The following PCDH9 variants were observed in gnomAD, a reference collection of about 807,000 sequenced individuals.
The protein encoded by PCDH9 is protocadherin-9.
Under a neutral mutation model 70.6 loss-of-function variants are expected in PCDH9, and 24 were observed. The observed-to-expected ratio is 0.34, with a 90% confidence interval of 0.25 to 0.48. PCDH9 has a LOEUF of 0.48. Among genes scored for constraint, PCDH9 ranks in the 20% least tolerant of loss-of-function variants. PCDH9 has a pLI of 0.99. For missense variants in PCDH9, 1,281 were observed against 1,503.6 expected, an observed-to-expected ratio of 0.85 and a Z score of 2.45; for synonymous variants, 562 against 558.5, an observed-to-expected ratio of 1.01 and a Z score of -0.09.
intron 2 of PCDH9, among the ~76,000 whole-genome samples, chr13:66,934,526 A>G (rs2082873020): frequency 6.7e-6 from 1 of 148,352 alleles, no homozygotes; most frequent in South Asian, 2.1e-4. Context: ...GGGTGACAAT[A>G]GTGAAACTCA....
chr13:66,980,730 G>A (rs9592495), intron 2 of PCDH9, among the ~76,000 whole-genome samples: 1 of 70,872 alleles, frequency 1.4e-5, no homozygotes, highest in Admixed American at 1.9e-4. Context: ...TTTTTTCTTT[G>A]TTTTTTTTTT....
intron 4 of PCDH9, among the ~76,000 whole-genome samples, chr13:66,321,411 G>A (rs1955750760): frequency 6.6e-6 from 1 of 151,998 alleles, no homozygotes; most frequent in Non-Finnish European, 1.5e-5. Flanking sequence ...TTTTAAAGAT[G>A]GAATCCAGGT....
intron 2 of PCDH9, among the ~76,000 whole-genome samples, chr13:66,904,054 G>A (rs867734512): frequency 3.8e-4 from 57 of 151,906 alleles, no homozygotes; most frequent in African/African-American, 1.3e-3. Context: ...CTGTGCTGTT[G>A]CCCAGCCTTT....
intron 2 of PCDH9, among the ~76,000 whole-genome samples, chr13:67,177,424 TCTCCCAAGAGG>T (rs1301998024): frequency 1.3e-5 from 2 of 152,106 alleles, no homozygotes; most frequent in African/African-American, 4.8e-5. Context: ...TTGAAATTTA[TCTCCCAAGAGG>T]CTCTTTACCA....
chr13:66,375,605 G>A (rs1479753533), intron 4 of PCDH9, among the ~76,000 whole-genome samples: 1 of 151,992 alleles, frequency 6.6e-6, no homozygotes, highest in Non-Finnish European at 1.5e-5. Context: ...ATTTCTTACT[G>A]GCTGGTAATG....
intron 2 of PCDH9, among the ~76,000 whole-genome samples, chr13:67,016,944 T>C (rs1323902): frequency 0.046 from 6,945 of 152,172 alleles, 283 homozygotes; most frequent in African/African-American, 0.11. Flanking sequence ...TGCTCAATGA[T>C]ATTTTCTACT....
At position 66,913,754 on chromosome 13, in the gene PCDH9, C is replaced by A. The variant is rs567308483; in HGVS notation, c.3037-10149G>T. Among the ~76,000 whole-genome samples the A allele has an allele frequency of 1.7e-3, 265 of 152,078 alleles. 1 individual carries two copies. The highest frequency in any genetic ancestry group is 6.8e-3 in the Middle Eastern group (2 of 294). ...AATAAATGATTAGTTGATCTAAATG[C>A]TTCGTTGTTAAAGGGACTGTAGGAA... On this transcript the variant is annotated intron_variant, in intron 2 of 4. Coordinates refer to ENST00000377865, the MANE Select transcript of PCDH9 (RefSeq NM_203487.3).
chr13:66,520,723 TAA>T (rs2138608406), intron 4 of PCDH9, among the ~76,000 whole-genome samples: 1 of 152,318 alleles, frequency 6.6e-6, no homozygotes, highest in Non-Finnish European at 1.5e-5. Context: ...CTGTGAACCA[TAA>T]ATGGAGTATT....
intron 3 of PCDH9, among the ~76,000 whole-genome samples, chr13:66,671,313 G>T (rs770735438): frequency 6.6e-6 from 1 of 151,478 alleles, no homozygotes; most frequent in Admixed American, 6.6e-5. Context: ...TTGGTAGAGT[G>T]GGGTACTGCT....
At chr13:66,470,550 G>A (rs757955134) in intron 4 of PCDH9, among the ~76,000 whole-genome samples, 1 of 151,970 alleles carries the variant, frequency 6.6e-6, no homozygotes, top group Non-Finnish European at 1.5e-5. Flanking sequence ...GTTTAACTGT[G>A]TAGAGAAGCT....
intron 3 of PCDH9, among the ~76,000 whole-genome samples, chr13:66,685,709 G>C (rs2078391915): frequency 6.6e-6 from 1 of 152,202 alleles, no homozygotes; most frequent in Non-Finnish European, 1.5e-5. Flanking sequence ...TGTGGGTGGA[G>C]CTGCCCAAGG....
intron 2 of PCDH9, among the ~76,000 whole-genome samples, chr13:67,010,801 GC>G (rs2084437962): frequency 6.6e-6 from 1 of 151,936 alleles, no homozygotes; most frequent in Non-Finnish European, 1.5e-5. Flanking sequence ...ATTCAGATTA[GC>G]CACCATCGAT....
intron 4 of PCDH9, among the ~76,000 whole-genome samples, chr13:66,444,648 C>T (rs1010709154): frequency 2.0e-5 from 3 of 152,088 alleles, no homozygotes; most frequent in Non-Finnish European, 4.4e-5. Flanking sequence ...GCAACCTCTG[C>T]CTCCTAGGTT....
intron 2 of PCDH9, among the ~76,000 whole-genome samples, chr13:66,989,918 C>T (rs1417193710): frequency 6.6e-6 from 1 of 151,766 alleles, no homozygotes; most frequent in Admixed American, 6.6e-5. Flanking sequence ...CTGCTAAGTG[C>T]CTAGGCCATT....
intron 4 of PCDH9, among the ~76,000 whole-genome samples, chr13:66,534,821 T>C (rs1266097487): frequency 2.0e-5 from 3 of 152,116 alleles, no homozygotes; most frequent in Non-Finnish European, 4.4e-5. Context: ...CCTAGGAATA[T>C]TTGAAACATA....
intron 2 of PCDH9, among the ~76,000 whole-genome samples, chr13:67,042,118 G>A (rs1045133800): frequency 1.3e-5 from 2 of 152,152 alleles, no homozygotes; most frequent in African/African-American, 4.8e-5. Flanking sequence ...TGTGTGGGAT[G>A]GAGTTATTCC....
chr13:66,530,614 T>C (rs988063881), intron 4 of PCDH9, among the ~76,000 whole-genome samples: 1 of 152,060 alleles, frequency 6.6e-6, no homozygotes, highest in South Asian at 2.1e-4. Context: ...CAATCCTCAA[T>C]ATACATTAGT....
chr13:66,443,334 T>C (rs1366885380), intron 4 of PCDH9, among the ~76,000 whole-genome samples: 2 of 152,182 alleles, frequency 1.3e-5, no homozygotes, highest in East Asian at 3.8e-4. Flanking sequence ...TGAATTTTAA[T>C]GGTCAAAAAG....
chr13:66,580,764 A>G (rs1405525033), intron 4 of PCDH9, among the ~76,000 whole-genome samples: 12 of 152,000 alleles, frequency 7.9e-5, no homozygotes, highest in Non-Finnish European at 1.6e-4. Context: ...AAGCAAATAT[A>G]TGTTTCAAAA....
Sources: gnomAD v4.1 joint callset for allele counts (sites outside exome capture counted in the v4.1 genomes callset) on GRCh38, gnomAD v4.1.1 for gene constraint, MANE v1.5 for transcripts, NCBI Gene and HGNC (gene_info 2026-07-23, HGNC 2026-07-21) for gene names.